Variants in ZNRF1 observed in about 807,000 individuals in gnomAD.
ZNRF1 encodes E3 ubiquitin-protein ligase ZNRF1.
Under a neutral mutation model 18.4 loss-of-function variants are expected in ZNRF1, and 3 were observed. The ratio of observed to expected loss-of-function variants is 0.16; its 90% CI spans 0.07 to 0.42. The LOEUF is 0.42. Ranked by LOEUF, ZNRF1 falls within the 10% of genes least tolerant of loss-of-function variation. The pLI is 0.99. For synonymous variants in ZNRF1, 157 were observed against 144.2 expected, an observed-to-expected ratio of 1.09 and a Z score of -0.64; for missense variants, 310 against 329.8, an observed-to-expected ratio of 0.94 and a Z score of 0.47.
chr16:75,014,088 C>A (rs577592728), intron 1 of ZNRF1, among the ~76,000 whole-genome samples: 1 of 152,306 alleles, frequency 6.6e-6, no homozygotes, highest in East Asian at 1.9e-4. Flanking sequence ...GCCTTATCTT[C>A]CCAAAGTGCT....
rs568253382 is a variant in ZNRF1 at position 75,030,113 on chromosome 16, A to G, written c.424+30018A>G. On this transcript the variant is annotated intron_variant, in intron 1 of 4. Transcript: ENST00000335325. ...TATTGAAATAATTCACATACCATAC[A>G]ATTCACTCATTCAAAGTAAACAGTT... 3.3e-5 allele frequency among the ~76,000 whole-genome samples: 5 copies of G among 152,112 alleles called. No individual in the cohort carries two copies. In the South Asian group the frequency reaches 1.0e-3, roughly 31 times the overall value.
chr16:75,042,260 T>C (rs937861738), intron 1 of ZNRF1, among the ~76,000 whole-genome samples: 1 of 152,186 alleles, frequency 6.6e-6, no homozygotes, highest in African/African-American at 2.4e-5. Flanking sequence ...GTCTAATTTA[T>C]CAATTTTTTG....
rs559862192 is a variant in ZNRF1 at position 75,066,910 on chromosome 16, A to T, written c.425-26662A>T. ...AAATTACCCCAAAACTTAATAGCTT[A>T]AAACAGTAATAATCATTATCTCTCA... On this transcript the variant is annotated intron_variant, in intron 1 of 4. Transcript: ENST00000335325. Among the ~76,000 whole-genome samples the T allele has an allele frequency of 3.3e-5, 5 of 152,192 alleles. No individual in the cohort carries two copies. The South Asian group carries it at 1.0e-3, about 32-fold the overall frequency.
At position 75,087,136 on chromosome 16, in the gene ZNRF1, TG is replaced by T. The variant is rs1428318649; in HGVS notation, c.425-6435del. Among the ~76,000 whole-genome samples, 10 of 152,236 alleles carry T rather than the reference TG, an allele frequency of 6.6e-5. No individual in the cohort carries two copies. In the East Asian group the frequency reaches 1.9e-3, roughly 29 times the overall value. ...TGTTGTAGTGGATTGGGAGAGTTCT[TG>T]TAGCTTGAACCAGTTGCCCCCATCC... On this transcript the variant is annotated intron_variant, in intron 1 of 4. Transcript: ENST00000335325.
chr16:75,086,053 CAG>C (rs1278987149), intron 1 of ZNRF1, among the ~76,000 whole-genome samples: 1 of 151,966 alleles, frequency 6.6e-6, no homozygotes, highest in Non-Finnish European at 1.5e-5. Context: ...GTTAGGCAGA[CAG>C]AGAGTGAAAT....
rs114807525 is a variant in ZNRF1 at position 75,059,768 on chromosome 16, C to A, written c.425-33804C>A. 6.8e-3 allele frequency among the ~76,000 whole-genome samples: 1,037 copies of A among 152,226 alleles called. 7 individuals are homozygous for A. The highest frequency in any genetic ancestry group is 0.024 in the African/African-American group (994 of 41,542). On this transcript the variant is annotated intron_variant, in intron 1 of 4. Transcript: ENST00000335325. The stretch of plus-strand genomic sequence containing the variant: ...TGGAAATTGTATAAATCAATTTAAA[C>A]ATGGACTAAAGGTCTTAGGCTGATG...
intron 1 of ZNRF1, among the ~76,000 whole-genome samples, chr16:75,080,626 T>C (rs2035998550): frequency 6.6e-6 from 1 of 152,046 alleles, no homozygotes; most frequent in South Asian, 2.1e-4. Context: ...GTTTTTCCCC[T>C]TTTCCCCTCC....
chr16:75,045,763 T>C (rs1417618505), intron 1 of ZNRF1, among the ~76,000 whole-genome samples: 1 of 151,086 alleles, frequency 6.6e-6, no homozygotes, highest in Admixed American at 6.6e-5. Context: ...TCACCCAGGC[T>C]GGAGTGCAGT....
rs180882233 is a variant in ZNRF1, at chr16:75,100,182, G to T, written c.521-4602G>T. Among the ~76,000 whole-genome samples, 712 of 152,340 alleles carry T rather than the reference G, an allele frequency of 4.7e-3. 4 individuals carry two copies. The highest frequency in any genetic ancestry group is 0.027 in the South Asian group (129 of 4,834). ...GTGCTCCCTGCCGTGTGCCAGCCTGGTTGGGGTGCCTGCACATTTTAGTTC... is the reference window on the plus strand; with the variant it reads ...GTGCTCCCTGCCGTGTGCCAGCCTGTTTGGGGTGCCTGCACATTTTAGTTC... On this transcript the variant is annotated intron_variant, in intron 2 of 4. Coordinates refer to ENST00000335325, the MANE Select transcript of ZNRF1 (RefSeq NM_032268.5).
intron 1 of ZNRF1, among the ~76,000 whole-genome samples, chr16:75,063,868 A>T (rs1341422957): frequency 6.6e-6 from 1 of 151,912 alleles, no homozygotes; most frequent in Non-Finnish European, 1.5e-5. Context: ...GTTGGCTGTG[A>T]CCTCCCTGTG....
Position 75,071,223 on chromosome 16 carries a change from C to T in ZNRF1, c.425-22349C>T, listed in dbSNP as rs149061179. Among the ~76,000 whole-genome samples, 537 of 152,164 alleles carry T rather than the reference C, an allele frequency of 3.5e-3. 2 individuals carry two copies. Among genetic ancestry groups the T allele is most frequent in the African/African-American group, 0.012 (513 of 41,496 alleles). The stretch of plus-strand genomic sequence containing the variant: ...CAAGTGATTCTTCTGCCTCAGCCTC[C>T]GAAGTAGCTGGGATTACAGCCACCC... On this transcript the variant is annotated intron_variant, in intron 1 of 4. Coordinates refer to ENST00000335325, the MANE Select transcript of ZNRF1 (RefSeq NM_032268.5).
intron 1 of ZNRF1, among the ~76,000 whole-genome samples, chr16:75,016,584 G>A (rs996880814): frequency 2.0e-5 from 3 of 151,838 alleles, no homozygotes; most frequent in South Asian, 2.1e-4. Context: ...CACCCAGGCC[G>A]GAGTGCAGTG....
chr16:75,012,923 A>G (rs2035017830), intron 1 of ZNRF1, among the ~76,000 whole-genome samples: 1 of 152,212 alleles, frequency 6.6e-6, no homozygotes, highest in Non-Finnish European at 1.5e-5. Flanking sequence ...TAAAGGGGAA[A>G]CAGGAAGTGA....
At position 75,043,761 on chromosome 16, in the gene ZNRF1, T is replaced by C. The variant is rs370691603; in HGVS notation, c.424+43666T>C. 8.8e-5 allele frequency among the ~76,000 whole-genome samples: 13 copies of C among 147,338 alleles called. 2 individuals carry two copies. The highest frequency in any genetic ancestry group is 7.9e-4 in the East Asian group (4 of 5,040). ...CTGGTTTTCCACGAAACCTGTTGCATATCAGGAGCCAGCCATTCTTGCTTT... is the reference window on the plus strand; with the variant it reads ...CTGGTTTTCCACGAAACCTGTTGCACATCAGGAGCCAGCCATTCTTGCTTT... On this transcript the variant is annotated intron_variant, in intron 1 of 4. Coordinates refer to ENST00000335325, the MANE Select transcript of ZNRF1 (RefSeq NM_032268.5).
intron 1 of ZNRF1, among the ~76,000 whole-genome samples, chr16:75,052,730 C>T (rs2035621135): frequency 1.3e-5 from 2 of 152,182 alleles, no homozygotes; most frequent in South Asian, 4.1e-4. Context: ...TAACCACCAC[C>T]TCAACCGTGC....
At chr16:75,097,669 T>C (rs898198649) in intron 2 of ZNRF1, among the ~76,000 whole-genome samples, 1 of 151,886 alleles carries the variant, frequency 6.6e-6, no homozygotes, top group Admixed American at 6.6e-5. Flanking sequence ...AACAAAAAAT[T>C]TGTCTGACAT....
At position 75,030,945 on chromosome 16, in the gene ZNRF1, A is replaced by G. The variant is rs59981672; in HGVS notation, c.424+30850A>G. Among the ~76,000 whole-genome samples, 1,293 of 147,566 alleles carry G rather than the reference A, an allele frequency of 8.8e-3. 18 individuals carry two copies. The highest frequency in any genetic ancestry group is 0.027 in the South Asian group (127 of 4,656). On this transcript the variant is annotated intron_variant, in intron 1 of 4. Transcript: ENST00000335325. ...AACCTCCGCCTCCCGGGTTCAAGCA[A>G]TTCTTCCTCAGCCTCCTAAATAGCT...
In ZNRF1 at chr16:75,050,878, AAAAAAAAAAACAAAAAAAAAC is replaced by A. The variant is rs1347651521; in HGVS notation, c.425-42687_425-42667del. On this transcript the variant is annotated intron_variant, in intron 1 of 4. Transcript: ENST00000335325. ...AGAGCAAGACTCCGTCTCAAAAAAA[AAAAAAAAAAACAAAAAAAAAC>A]AAAAAACTTGTAGCCAGGTACAGTG... Among the ~76,000 whole-genome samples, 65 of 109,608 alleles carry A rather than the reference AAAAAAAAAAACAAAAAAAAAC, an allele frequency of 5.9e-4. 4 individuals are homozygous for A. The highest frequency in any genetic ancestry group is 1.1e-3 in the Non-Finnish European group (60 of 53,820). The allele number at this position is 109,608 out of a possible 152,430, so 71.9% of individuals were successfully genotyped here. A position where few individuals can be genotyped will look rare whatever the true frequency, so the allele number is the denominator to read the frequency against.
chr16:75,072,871 T>A (rs543175550), intron 1 of ZNRF1, among the ~76,000 whole-genome samples: 2 of 152,270 alleles, frequency 1.3e-5, no homozygotes, highest in East Asian at 3.9e-4. Context: ...AATGAAGGCC[T>A]CCATTTGAGC....
Sources: allele counts gnomAD v4.1 joint callset (sites outside exome capture counted in the v4.1 genomes callset), GRCh38; gene constraint gnomAD v4.1.1; transcripts MANE v1.5; gene names NCBI Gene and HGNC (gene_info 2026-07-23, HGNC 2026-07-21).